Variants in TLL1 observed in about 807,000 individuals in gnomAD.
TLL1 encodes tolloid like 1.
Under a neutral mutation model 128.2 loss-of-function variants are expected in TLL1, and 49 were observed. The observed-to-expected ratio is 0.38, with a 90% CI of 0.30 to 0.48. The LOEUF (loss-of-function observed/expected upper bound fraction) is 0.48, where lower values mean the gene tolerates loss of function less well. TLL1 is among the 20% of genes least tolerant of loss of function. The pLI is 0.96. For synonymous variants in TLL1, 454 were observed against 418.8 expected (o/e 1.08, Z -1.03); for missense variants, 1,123 against 1,242.0 (o/e 0.90, Z 1.44).
At chr4:165,990,151 C>T (rs562735314) in intron 2 of TLL1, among the ~76,000 whole-genome samples, 1 of 151,942 alleles carries the variant, frequency 6.6e-6, no homozygotes, top group African/African-American at 2.4e-5. Flanking sequence ...TTTCAGTTCT[C>T]ATTTAACAAT....
chr4:166,060,691 T>G, intron 15 of TLL1, among the ~76,000 whole-genome samples: 1 of 152,332 alleles, frequency 6.6e-6, no homozygotes, highest in East Asian at 1.9e-4. Context: ...AAAGCTATCC[T>G]TTTTTAATGC....
chr4:165,994,627 A>G (rs954914138), intron 4 of TLL1, 94 bp downstream of exon 4: 2 of 1,457,376 alleles, frequency 1.4e-6, no homozygotes, highest in Non-Finnish European at 1.9e-6. Flanking sequence ...CATAAGATAC[A>G]TAGTATTAAG....
intron 7 of TLL1, among the ~76,000 whole-genome samples, chr4:166,012,906 A>C (rs528235133): frequency 3.0e-4 from 46 of 151,808 alleles, no homozygotes; most frequent in African/African-American, 1.1e-3. Flanking sequence ...CTTACCTTGG[A>C]GCTAGGGCAG....
At chr4:166,063,064 T>C (rs1005338354) in intron 15 of TLL1, among the ~76,000 whole-genome samples, 7 of 152,144 alleles carry the variant, frequency 4.6e-5, no homozygotes, top group Non-Finnish European at 7.4e-5. Context: ...ACCTACAGAA[T>C]GGGAGAAAAT....
intron 13 of TLL1, among the ~76,000 whole-genome samples, chr4:166,056,782 G>A (rs1273606557): frequency 6.6e-6 from 1 of 152,086 alleles, no homozygotes; most frequent in Non-Finnish European, 1.5e-5. Context: ...TCTTCAGTTG[G>A]CCCAGCAATA....
intron 1 of TLL1, among the ~76,000 whole-genome samples, chr4:165,963,054 C>CAAAAAAAAAAAAAAAA (rs869191830): frequency 5.5e-5 from 1 of 18,336 alleles, no homozygotes; most frequent in African/African-American, 1.4e-4. Context: ...GGCTCTGTCT[C>CAAAAAAAAAAAAAAAA]AAAAAAAAAA....
chr4:165,987,699 A>G (rs1393853), intron 1 of TLL1, among the ~76,000 whole-genome samples: 10,223 of 152,190 alleles, frequency 0.067, 950 homozygotes, highest in African/African-American at 0.21. Context: ...AGATTCCCAC[A>G]TAAATCTAAC....
chr4:165,967,849 T>C (rs903625164), intron 1 of TLL1, among the ~76,000 whole-genome samples: 2 of 152,186 alleles, frequency 1.3e-5, no homozygotes, highest in Admixed American at 6.5e-5. Context: ...TAAGATATAA[T>C]TGGAAAGGAA....
chr4:165,952,335 C>T (rs1057515234), intron 1 of TLL1, among the ~76,000 whole-genome samples: 4 of 152,132 alleles, frequency 2.6e-5, no homozygotes, highest in African/African-American at 9.7e-5. Flanking sequence ...TTTTGTACAG[C>T]TTCCAGAAAG....
intron 17 of TLL1, among the ~76,000 whole-genome samples, chr4:166,077,201 C>A (rs1430300305): frequency 6.7e-6 from 1 of 148,526 alleles, no homozygotes; most frequent in Non-Finnish European, 1.5e-5. Flanking sequence ...GTGGAATGAT[C>A]TTGTCTAAAA....
At chr4:165,886,130 C>T (rs1290331413) in intron 1 of TLL1, among the ~76,000 whole-genome samples, 2 of 151,890 alleles carry the variant, frequency 1.3e-5, no homozygotes, top group Non-Finnish European at 2.9e-5. Flanking sequence ...AGAAGGAAGT[C>T]CAGTAGAAAT....
chr4:166,001,462 C>T (rs2111030602), intron 5 of TLL1, among the ~76,000 whole-genome samples: 1 of 152,134 alleles, frequency 6.6e-6, no homozygotes, highest in Non-Finnish European at 1.5e-5. Context: ...CACACAATGA[C>T]TAGATGGAAC....
In TLL1 at chr4:166,091,350, A is replaced by G. The variant is rs746006501; in HGVS notation, c.2656+9A>G. The G allele has an allele frequency of 3.1e-6, 5 of 1,610,340 alleles. No homozygotes were observed. The Admixed American group carries it at 6.7e-5, about 22-fold the overall frequency. On this transcript the variant is annotated intron_variant, in intron 19 of 20. Transcript: ENST00000061240. ...AGCTACACATTCTACAGGTCAGCAA[A>G]TTCAAGTCATGCTTCTCTTTTTTGA... is the stretch of plus-strand genomic sequence containing the variant.
At chr4:165,978,347 A>G (rs911609971) in intron 1 of TLL1, among the ~76,000 whole-genome samples, 1 of 151,950 alleles carries the variant, frequency 6.6e-6, no homozygotes, top group South Asian at 2.1e-4. Flanking sequence ...TTATAATTTT[A>G]TATAGATAAT....
At chr4:166,094,117 G>A (rs1026054186) in intron 19 of TLL1, among the ~76,000 whole-genome samples, 2 of 152,114 alleles carry the variant, frequency 1.3e-5, no homozygotes, top group Non-Finnish European at 2.9e-5. Context: ...GGTAGAGAAT[G>A]CACTGGGCAT....
intron 1 of TLL1, among the ~76,000 whole-genome samples, chr4:165,878,992 G>A (rs1006599449): frequency 3.1e-5 from 4 of 130,658 alleles, no homozygotes; most frequent in Non-Finnish European, 6.2e-5. Context: ...GAGTGCAGTG[G>A]CACAATCTTG....
intron 1 of TLL1, among the ~76,000 whole-genome samples, chr4:165,918,440 A>G (rs1732881497): frequency 6.6e-6 from 1 of 152,134 alleles, no homozygotes; most frequent in Non-Finnish European, 1.5e-5. Flanking sequence ...AAAAATACTA[A>G]TATTTAGGTT....
At chr4:165,981,171 T>C (rs1434240841) in intron 1 of TLL1, among the ~76,000 whole-genome samples, 1 of 152,082 alleles carries the variant, frequency 6.6e-6, no homozygotes, top group Non-Finnish European at 1.5e-5. Flanking sequence ...CCATGGTTCT[T>C]CTTGTTTTAC....
chr4:166,031,590 A>G (rs2111079651), intron 9 of TLL1, among the ~76,000 whole-genome samples: 1 of 151,838 alleles, frequency 6.6e-6, no homozygotes, highest in East Asian at 1.9e-4. Flanking sequence ...CTGGTCTTGA[A>G]CTTTTGAGCT....
Sources: allele counts gnomAD v4.1 joint callset (sites outside exome capture counted in the v4.1 genomes callset), GRCh38; gene constraint gnomAD v4.1.1; transcripts MANE v1.5; gene names NCBI Gene and HGNC (gene_info 2026-07-23, HGNC 2026-07-21).